The following FYN variants were observed in gnomAD, a reference collection of about 807,000 sequenced individuals.
FYN encodes the protein FYN proto-oncogene, Src family tyrosine kinase, also known as tyrosine-protein kinase Fyn.
Under a neutral mutation model 70.2 loss-of-function variants are expected in FYN, and 10 were observed. The ratio of observed to expected loss-of-function variants is 0.14; its 90% CI spans 0.09 to 0.24. FYN has a LOEUF of 0.24. FYN is among the 10% of genes least tolerant of loss of function. The pLI is 1.00. For synonymous variants in FYN, 236 were observed against 248.6 expected (o/e 0.95, Z 0.48); for missense variants, 319 against 673.1 (o/e 0.47, Z 5.82).
At chr6:111,800,408 A>G (rs1771947489) in intron 2 of FYN, among the ~76,000 whole-genome samples, 1 of 152,164 alleles carries the variant, frequency 6.6e-6, no homozygotes, top group African/African-American at 2.4e-5. Flanking sequence ...CTGTGGGACG[A>G]GTCCTCACAG....
chr6:111,786,979 G>A (rs1367653425), intron 2 of FYN, among the ~76,000 whole-genome samples: 1 of 152,190 alleles, frequency 6.6e-6, no homozygotes, highest in East Asian at 1.9e-4. Context: ...TTTGTCAGAT[G>A]AGTAGATTGC....
At chr6:111,767,859 A>G (rs1279091959) in intron 3 of FYN, among the ~76,000 whole-genome samples, 1 of 152,234 alleles carries the variant, frequency 6.6e-6, no homozygotes, top group African/African-American at 2.4e-5. Flanking sequence ...GATCAGGATA[A>G]GCAAACTGAA....
chr6:111,712,767 G>C (rs1800444647), intron 5 of FYN, among the ~76,000 whole-genome samples: 1 of 152,192 alleles, frequency 6.6e-6, no homozygotes, highest in African/African-American at 2.4e-5. Flanking sequence ...TACAGGAGGA[G>C]GACTCCTGGG....
chr6:111,733,262 G>A (rs1420617866), intron 3 of FYN, among the ~76,000 whole-genome samples: 1 of 152,084 alleles, frequency 6.6e-6, no homozygotes, highest in Non-Finnish European at 1.5e-5. Flanking sequence ...AATCCTCAGA[G>A]CAACCTTACA....
chr6:111,778,152 T>C (rs1446699533), intron 3 of FYN, among the ~76,000 whole-genome samples: 1 of 152,080 alleles, frequency 6.6e-6, no homozygotes, highest in African/African-American at 2.4e-5. Flanking sequence ...TGTGGGGAAG[T>C]AGAGGCCTCC....
chr6:111,842,255 C>A (rs1475083430), intron 2 of FYN, among the ~76,000 whole-genome samples: 1 of 152,176 alleles, frequency 6.6e-6, no homozygotes, highest in African/African-American at 2.4e-5. Flanking sequence ...GGCTGGCAGC[C>A]TGTAGTACAT....
intron 3 of FYN, among the ~76,000 whole-genome samples, chr6:111,748,355 G>A (rs771599315): frequency 3.3e-5 from 5 of 152,230 alleles, no homozygotes; most frequent in Non-Finnish European, 7.3e-5. Flanking sequence ...CATGGAATTA[G>A]ATGAAGACAG....
chr6:111,872,964 T>C lies in FYN; in HGVS notation c.-123+4A>G, dbSNP rs1179664727. ...CCCGCGACGCATCCCCGCCGCCTGC[T>C]TACCTGCGCGGCGCTGAGGCTCCGG... is the stretch of plus-strand genomic sequence containing the variant. On this transcript the variant is annotated splice_donor_region_variant and intron_variant, in intron 1 of 13. Transcript: ENST00000354650. 1.3e-5 allele frequency: 2 copies of C among 149,222 alleles called. No individual in the cohort carries two copies. The highest frequency in any genetic ancestry group is 3.0e-5 in the Non-Finnish European group (2 of 67,040). The allele number at this position is 149,222 out of a possible 1,614,324, so 9.2% of individuals were successfully genotyped here.
chr6:111,752,884 G>A (rs1473631513), intron 3 of FYN, among the ~76,000 whole-genome samples: 2 of 152,098 alleles, frequency 1.3e-5, no homozygotes, highest in Admixed American at 6.5e-5. Flanking sequence ...TGGGATGGAG[G>A]GATAGACAGG....
intron 1 of FYN, among the ~76,000 whole-genome samples, chr6:111,869,261 T>C (rs76151719): frequency 0.013 from 2,026 of 152,310 alleles, 43 homozygotes; most frequent in African/African-American, 0.046. Context: ...AGGAGACCCA[T>C]GTGGGCCTGA....
intron 2 of FYN, among the ~76,000 whole-genome samples, chr6:111,825,545 G>C (rs1373695891): frequency 6.6e-6 from 1 of 152,188 alleles, no homozygotes; most frequent in Admixed American, 6.5e-5. Flanking sequence ...ATTATATAAG[G>C]TAAGATAGAA....
At chr6:111,681,112 C>T (rs896491585) in intron 12 of FYN, among the ~76,000 whole-genome samples, 1 of 151,240 alleles carries the variant, frequency 6.6e-6, no homozygotes, top group Non-Finnish European at 1.5e-5. Context: ...ACTGCAACCT[C>T]CACCTCATGG....
intron 2 of FYN, among the ~76,000 whole-genome samples, chr6:111,788,846 G>A (rs567312244): frequency 6.6e-6 from 1 of 152,048 alleles, no homozygotes; most frequent in African/African-American, 2.4e-5. Context: ...GACTGACTGT[G>A]GCCTTCCCTT....
At chr6:111,704,938 T>C (rs1800002117) in intron 6 of FYN, among the ~76,000 whole-genome samples, 1 of 152,080 alleles carries the variant, frequency 6.6e-6, no homozygotes, top group South Asian at 2.1e-4. Flanking sequence ...GGCATGCACC[T>C]GTAATCCCAG....
At chr6:111,771,966 G>A (rs558028635) in intron 3 of FYN, among the ~76,000 whole-genome samples, 66 of 152,266 alleles carry the variant, frequency 4.3e-4, no homozygotes, top group African/African-American at 1.6e-3. Context: ...CAGAAGGGAT[G>A]AGAGGGAACA....
At chr6:111,829,334 A>T (rs1772939693) in intron 2 of FYN, among the ~76,000 whole-genome samples, 1 of 152,182 alleles carries the variant, frequency 6.6e-6, no homozygotes, top group African/African-American at 2.4e-5. Flanking sequence ...GTGTGGGAAA[A>T]ATACCTGCTC....
intron 2 of FYN, among the ~76,000 whole-genome samples, chr6:111,821,903 A>G (rs1275682793): frequency 1.3e-5 from 2 of 152,262 alleles, no homozygotes; most frequent in Non-Finnish European, 2.9e-5. Flanking sequence ...TGGCCATCAG[A>G]GAAATGCAAA....
At chr6:111,829,919 TC>T (rs1412089295) in intron 2 of FYN, among the ~76,000 whole-genome samples, 1 of 152,178 alleles carries the variant, frequency 6.6e-6, no homozygotes, top group Non-Finnish European at 1.5e-5. Flanking sequence ...AGCAGGAGCC[TC>T]TGGCCTCCAG....
At chr6:111,714,698 T>A (rs1257109081) in intron 4 of FYN, among the ~76,000 whole-genome samples, 1 of 152,188 alleles carries the variant, frequency 6.6e-6, no homozygotes, top group African/African-American at 2.4e-5. Flanking sequence ...TAGCTTTTAA[T>A]GAGGGCTGAG....
Sources: gnomAD v4.1 joint callset for allele counts (sites outside exome capture counted in the v4.1 genomes callset) on GRCh38, gnomAD v4.1.1 for gene constraint, MANE v1.5 for transcripts, NCBI Gene and HGNC (gene_info 2026-07-23, HGNC 2026-07-21) for gene names.